Variants in PLPPR5 observed in about 807,000 individuals in gnomAD.
The protein encoded by PLPPR5 is phospholipid phosphatase-related protein type 5.
PLPPR5 carries 16 observed loss-of-function variants against 33.9 expected under a neutral mutation model. The observed-to-expected ratio is 0.47, with a 90% CI of 0.32 to 0.72. PLPPR5 has a LOEUF of 0.72. Ranked by LOEUF, PLPPR5 falls within the 30% of genes least tolerant of loss-of-function variation. The probability of loss-of-function intolerance (pLI) is 0.03; values close to 1 mark genes in which losing one functional copy is unlikely to be tolerated. For missense variants in PLPPR5, 301 were observed against 406.7 expected, an observed-to-expected ratio of 0.74 and a Z score of 2.23; for synonymous variants, 163 against 150.3, an observed-to-expected ratio of 1.08 and a Z score of -0.62.
At chr1:98,914,580 G>A (rs1285385227) in intron 5 of PLPPR5, among the ~76,000 whole-genome samples, 9 of 152,060 alleles carry the variant, frequency 5.9e-5, no homozygotes, top group Non-Finnish European at 1.3e-4. Context: ...CCAGGTGTAA[G>A]CCATTGTGAC....
intron 1 of PLPPR5, among the ~76,000 whole-genome samples, chr1:98,991,455 A>G (rs72732426): frequency 0.019 from 2,842 of 152,268 alleles, 40 homozygotes; most frequent in Non-Finnish European, 0.028. Flanking sequence ...TCCATTTGCA[A>G]GGTACACTCA....
intron 5 of PLPPR5, among the ~76,000 whole-genome samples, chr1:98,901,296 G>T (rs1185418002): frequency 6.6e-6 from 1 of 152,160 alleles, no homozygotes; most frequent in Non-Finnish European, 1.5e-5. Flanking sequence ...GTTGGAGATT[G>T]AAGGAGGGAT....
At chr1:99,005,389 G>A (rs1158153199), upstream of PLPPR5, among the ~76,000 whole-genome samples, 1 of 152,192 alleles carries the variant, frequency 6.6e-6, no homozygotes, top group Non-Finnish European at 1.5e-5. Flanking sequence ...CCCGGGGCTG[G>A]AGCCTGGCGG....
At chr1:98,996,617 G>A (rs540573916) in intron 1 of PLPPR5, among the ~76,000 whole-genome samples, 1 of 151,964 alleles carries the variant, frequency 6.6e-6, no homozygotes, top group African/African-American at 2.4e-5. Context: ...CTGTTATAAG[G>A]GTGCTGCTAA....
At chr1:98,932,685 C>T (rs1650023067) in intron 3 of PLPPR5, among the ~76,000 whole-genome samples, 1 of 152,148 alleles carries the variant, frequency 6.6e-6, no homozygotes, top group South Asian at 2.1e-4. Context: ...ATGTACTTAA[C>T]AGGCTATGGT....
At chr1:98,954,534 C>A (rs1327681299) in intron 2 of PLPPR5, among the ~76,000 whole-genome samples, 1 of 152,028 alleles carries the variant, frequency 6.6e-6, no homozygotes, top group African/African-American at 2.4e-5. Context: ...GTATTAGATG[C>A]ATAGCTGTTC....
At chr1:98,990,220 T>G (rs1182496224) in intron 1 of PLPPR5, among the ~76,000 whole-genome samples, 1 of 151,792 alleles carries the variant, frequency 6.6e-6, no homozygotes, top group African/African-American at 2.4e-5. Flanking sequence ...AATACAAAAA[T>G]TAGCCAGGCA....
intron 3 of PLPPR5, among the ~76,000 whole-genome samples, chr1:98,950,812 T>C (rs548118277): frequency 6.6e-6 from 1 of 152,310 alleles, no homozygotes; most frequent in African/African-American, 2.4e-5. Context: ...GCCTCTCATG[T>C]AGCTGGGACT....
At chr1:98,906,372 ATGT>A (rs907027272) in intron 5 of PLPPR5, among the ~76,000 whole-genome samples, 1 of 151,598 alleles carries the variant, frequency 6.6e-6, no homozygotes, top group Admixed American at 6.6e-5. Flanking sequence ...CTCATACTAC[ATGT>A]TGTTGGCCAG....
At chr1:98,928,797 T>G (rs1347628216) in intron 3 of PLPPR5, among the ~76,000 whole-genome samples, 1 of 151,758 alleles carries the variant, frequency 6.6e-6, no homozygotes, top group Non-Finnish European at 1.5e-5. Context: ...ACCTGCATAT[T>G]TTTATCTACA....
intron 5 of PLPPR5, among the ~76,000 whole-genome samples, chr1:98,907,784 G>A (rs1332739334): frequency 6.6e-6 from 1 of 152,214 alleles, no homozygotes; most frequent in Admixed American, 6.5e-5. Flanking sequence ...CTAAGACCAT[G>A]AGCATTTTCA....
chr1:98,996,169 T>A (rs1652625694), intron 1 of PLPPR5, among the ~76,000 whole-genome samples: 1 of 151,996 alleles, frequency 6.6e-6, no homozygotes, highest in South Asian at 2.1e-4. Flanking sequence ...AGGAAGTTGT[T>A]TTTTGGTTTT....
chr1:98,925,709 A>C (rs537824448), intron 3 of PLPPR5, among the ~76,000 whole-genome samples: 1 of 152,306 alleles, frequency 6.6e-6, no homozygotes, highest in African/African-American at 2.4e-5. Context: ...AAAAACACAA[A>C]TATTTATTAA....
intron 1 of PLPPR5, among the ~76,000 whole-genome samples, chr1:99,001,827 T>C (rs931459811): frequency 3.4e-4 from 52 of 151,394 alleles, no homozygotes; most frequent in Non-Finnish European, 5.9e-4. Flanking sequence ...CTTGAGAGTA[T>C]GACAGAGTAG....
At chr1:98,976,592 C>A (rs976141646) in intron 1 of PLPPR5, among the ~76,000 whole-genome samples, 20 of 152,102 alleles carry the variant, frequency 1.3e-4, no homozygotes, top group Admixed American at 2.6e-4. Flanking sequence ...TGCCAATTGC[C>A]TTGAACACTT....
intron 4 of PLPPR5, 21 bp from the exon 5 acceptor site, chr1:98,914,941 TAC>T (rs763140255): frequency 1.3e-4 from 209 of 1,603,564 alleles, no homozygotes; most frequent in Non-Finnish European, 1.6e-4. Flanking sequence ...AGAAGACAAT[TAC>T]AGTTAAAGCA....
intron 1 of PLPPR5, among the ~76,000 whole-genome samples, chr1:98,995,311 A>T (rs1424903901): frequency 6.6e-6 from 1 of 152,128 alleles, no homozygotes; most frequent in Admixed American, 6.6e-5. Context: ...GGCCTACTTA[A>T]AGGTGAAGGG....
At chr1:98,917,979 G>T (rs567337868) in intron 4 of PLPPR5, among the ~76,000 whole-genome samples, 2 of 152,128 alleles carry the variant, frequency 1.3e-5, no homozygotes, top group East Asian at 3.9e-4. Flanking sequence ...GCTTTCAGAC[G>T]TTCTGGTTTT....
chr1:98,905,712 A>G (rs1175031476), intron 5 of PLPPR5, among the ~76,000 whole-genome samples: 1 of 151,912 alleles, frequency 6.6e-6, no homozygotes, highest in Non-Finnish European at 1.5e-5. Context: ...TTTATATTTA[A>G]ATGGTTTCTA....
Sources: gnomAD v4.1 joint callset for allele counts (sites outside exome capture counted in the v4.1 genomes callset) on GRCh38, gnomAD v4.1.1 for gene constraint, MANE v1.5 for transcripts, NCBI Gene and HGNC (gene_info 2026-07-23, HGNC 2026-07-21) for gene names.